Variants in EPHB3 observed in about 807,000 individuals in gnomAD.
EPHB3 encodes EPH receptor B3.
Under a neutral mutation model 100.2 loss-of-function variants are expected in EPHB3, and 33 were observed. The observed-to-expected ratio is 0.33, with a 90% CI of 0.25 to 0.44. The LOEUF is 0.44. Among genes scored for constraint, EPHB3 ranks in the 20% least tolerant of loss-of-function variants. The probability of loss-of-function intolerance (pLI) is 1.00; values close to 1 mark genes in which losing one functional copy is unlikely to be tolerated. For synonymous variants in EPHB3, 526 were observed against 554.7 expected, an observed-to-expected ratio of 0.95 and a Z score of 0.73; for missense variants, 1,045 against 1,378.3, an observed-to-expected ratio of 0.76 and a Z score of 3.83.
rs1714590741 is a variant in EPHB3, at chr3:184,573,359, G to C, written c.856+183G>C. On this transcript the variant is annotated intron_variant, in intron 3 of 15. Transcript: ENST00000330394. The surrounding 1 kb of genome is among the most constrained non-coding windows in gnomAD (Gnocchi z 4.5). Reference sequence around the variant, plus strand: ...GAATGTTGTGTAAGGAGGGAGAAGAGAGAGAAAATGAGGAGAGACACAAGG... The same window carrying C: ...GAATGTTGTGTAAGGAGGGAGAAGACAGAGAAAATGAGGAGAGACACAAGG... Among the ~76,000 whole-genome samples the C allele has an allele frequency of 6.6e-6, 1 of 152,136 alleles. No individual in the cohort carries two copies. The highest frequency in any genetic ancestry group is 2.1e-4 in the South Asian group (1 of 4,824).
chr3:184,570,347 C>A (rs749020456), intron 1 of EPHB3, among the ~76,000 whole-genome samples: 1 of 152,334 alleles, frequency 6.6e-6, no homozygotes, highest in Non-Finnish European at 1.5e-5. Flanking sequence ...TGAACCTGAT[C>A]CACCCTTGTC....
At position 184,577,625 on chromosome 3, in the gene EPHB3, C is replaced by T; in HGVS notation, c.1480-33C>T. The stretch of plus-strand genomic sequence containing the variant: ...AGGGGCTGGTTGGCCTCAGGACCCA[C>T]CTGAGGGTGCCCCCTCTCTCCTGGC... On this transcript the variant is annotated intron_variant, in intron 6 of 15. Transcript: ENST00000330394. The surrounding 1 kb of genome is among the most constrained non-coding windows in gnomAD (Gnocchi z 4.9). 1.9e-6 allele frequency: 3 copies of T among 1,573,744 alleles called. No individual in the cohort carries two copies. The highest frequency in any genetic ancestry group is 2.3e-5 in the East Asian group (1 of 44,378).
At position 184,569,421 on chromosome 3, in the gene EPHB3, G is replaced by C. The variant is rs1027350697; in HGVS notation, c.119-1897G>C. Among the ~76,000 whole-genome samples, 1 of 151,546 alleles carries C rather than the reference G, an allele frequency of 6.6e-6. No individual in the cohort carries two copies. The highest frequency in any genetic ancestry group is 1.5e-5 in the Non-Finnish European group (1 of 67,828). On this transcript the variant is annotated intron_variant, in intron 1 of 15. Transcript: ENST00000330394. This position sits in a 1 kb window ranked among gnomAD's most constrained non-coding sequence, Gnocchi z 5.4. ...GCCAGCCGGCTCCGCACATCCCTCC[G>C]GCTCCGTGCCGCCCACCGCCCGCCA...
chr3:184,564,188 C>T (rs1368991291), intron 1 of EPHB3, among the ~76,000 whole-genome samples: 1 of 152,200 alleles, frequency 6.6e-6, no homozygotes, highest in Non-Finnish European at 1.5e-5. Context: ...TTCCCCATTC[C>T]CGGCCTGCCC....
In EPHB3 at chr3:184,565,207, T is replaced by G. The variant is rs1421600500; in HGVS notation, c.118+2854T>G. On this transcript the variant is annotated intron_variant, in intron 1 of 15. Coordinates refer to ENST00000330394, the MANE Select transcript of EPHB3 (RefSeq NM_004443.4). This position sits in a 1 kb window ranked among gnomAD's most constrained non-coding sequence, Gnocchi z 4.8. ...CCTCCCCTTGCCCTCTGATTGATTG[T>G]CCCCTTCCCCCATGCAAATTGCCCT... 6.6e-6 allele frequency among the ~76,000 whole-genome samples: 1 copy of G among 152,064 alleles called. No homozygotes were observed. The highest frequency in any genetic ancestry group is 6.5e-5 in the Admixed American group (1 of 15,272).
In EPHB3 at chr3:184,563,290, G is replaced by T. The variant is rs1053773458; in HGVS notation, c.118+937G>T. Among the ~76,000 whole-genome samples, 3 of 152,106 alleles carry T rather than the reference G, an allele frequency of 2.0e-5. No homozygotes were observed. The highest frequency in any genetic ancestry group is 4.4e-5 in the Non-Finnish European group (3 of 68,024). On this transcript the variant is annotated intron_variant, in intron 1 of 15. Coordinates refer to ENST00000330394, the MANE Select transcript of EPHB3 (RefSeq NM_004443.4). The surrounding 1 kb of genome is among the most constrained non-coding windows in gnomAD (Gnocchi z 4.1). Reference sequence around the variant, plus strand: ...CTCACGCCCCGTTTCCAAGAATTTCGGAGCCATTAAATGAGAGAGGGTCAG... The same window carrying T: ...CTCACGCCCCGTTTCCAAGAATTTCTGAGCCATTAAATGAGAGAGGGTCAG...
Position 184,580,576 on chromosome 3 carries a change from C to A in EPHB3, c.2347C>A (p.Leu783Met). The stretch of plus-strand genomic sequence containing the variant: ...CTCAGACTTTGGCCTCTCCCGCTTC[C>A]TGGAGGATGACCCCTCCGATCCTAC... ...KVSDFGLSRF[L>M]EDDPSDPTYT... Residue 783 changes from leucine (L) to methionine (M), a missense_variant, in exon 12 of 16, where the codon CTG (leucine) becomes ATG (methionine). By Grantham distance (15) the Leu-to-Met change is conservative (BLOSUM62 2). Around this residue, in one of 2 missense-constraint regions of EPHB3, gnomAD observed 985 missense variants for 1,331.1 expected, o/e 0.74. Transcript: ENST00000330394. The A allele has an allele frequency of 6.2e-7, 1 of 1,614,192 alleles. No homozygotes were observed. Among genetic ancestry groups the A allele is most frequent in the East Asian group, 2.2e-5 (1 of 44,878 alleles).
chr3:184,572,683 C>A lies in EPHB3; in HGVS notation c.363C>A (p.Asn121Lys). 6.2e-7 allele frequency: 1 copy of A among 1,603,808 alleles called. No individual in the cohort carries two copies. The highest frequency in any genetic ancestry group is 8.5e-7 in the Non-Finnish European group (1 of 1,175,606). The change falls in exon 3 of 16, where the codon AAC (asparagine) becomes AAA (lysine). Residue 121 changes from asparagine to lysine, a missense_variant. Physicochemically the swap from Asn to Lys is moderately conservative, Grantham distance 94. Transcript: ENST00000330394. This position sits in a 1 kb window ranked among gnomAD's most constrained non-coding sequence, Gnocchi z 6.6. The stretch of plus-strand genomic sequence containing the variant: ...TGCGTGACTGCAACAGCATCCCCAA[C>A]ATCCCCGGCTCCTGCAAGGAGACCT... ...FTVRDCNSIPNIPGSCKETFN... is the reference protein window; with the variant it reads ...FTVRDCNSIPKIPGSCKETFN...
Position 184,571,388 on chromosome 3 carries a change from G to T in EPHB3, c.183+6G>T. 6.2e-7 allele frequency: 1 copy of T among 1,613,834 alleles called. No homozygotes were observed. The highest frequency in any genetic ancestry group is 8.5e-7 in the Non-Finnish European group (1 of 1,179,846). On this transcript the variant is annotated splice_donor_region_variant and intron_variant, in intron 2 of 15. Coordinates refer to ENST00000330394, the MANE Select transcript of EPHB3 (RefSeq NM_004443.4). The surrounding 1 kb of genome is among the most constrained non-coding windows in gnomAD (Gnocchi z 5.0). ...CATCTCATCCAGAAAGTGGGGTGAG[G>T]CTTTCCCATCATTCTCCTGAGTGTT...
rs1714845434 is a variant in EPHB3, at chr3:184,582,273, TGTGTG to T, written c.*652_*656del. ...GTGTGAGTGTGTGTGTGTGTGTGTG[TGTGTG>T]CGCGCGCGCGCGCGTGTGTGTGTGC... On this transcript the variant is annotated 3_prime_UTR_variant, in exon 16 of 16. Transcript: ENST00000330394. The T allele has an allele frequency of 1.8e-5, 1 of 56,322 alleles. No homozygotes were observed. Among genetic ancestry groups the T allele is most frequent in the South Asian group, 5.3e-4 (1 of 1,876 alleles). The allele number at this position is 56,322 out of a possible 1,614,324, so 3.5% of individuals were successfully genotyped here.
chr3:184,566,069 C>T (rs1199916611), intron 1 of EPHB3, among the ~76,000 whole-genome samples: 1 of 152,166 alleles, frequency 6.6e-6, no homozygotes, highest in African/African-American at 2.4e-5. Flanking sequence ...CAGCTGGGCA[C>T]CTGATGGGGT....
intron 4 of EPHB3, 67 bp downstream of exon 4, chr3:184,576,052 CT>C: frequency 6.6e-7 from 1 of 1,517,958 alleles, no homozygotes; most frequent in South Asian, 1.3e-5. Context: ...CCTGGGAAGC[CT>C]AAGCAGTCAC....
At position 184,569,046 on chromosome 3, in the gene EPHB3, T is replaced by C. The variant is rs1714470122; in HGVS notation, c.119-2272T>C. The stretch of plus-strand genomic sequence containing the variant: ...GGGCTTGTTTTAAACTGTGGAGGAA[T>C]CTGGCTGGAGGGGGAGGGGGCTGAA... On this transcript the variant is annotated intron_variant, in intron 1 of 15. Coordinates refer to ENST00000330394, the MANE Select transcript of EPHB3 (RefSeq NM_004443.4). The surrounding 1 kb of genome is among the most constrained non-coding windows in gnomAD (Gnocchi z 5.4). 6.6e-6 allele frequency among the ~76,000 whole-genome samples: 1 copy of C among 152,048 alleles called. No homozygotes were observed. Among genetic ancestry groups the C allele is most frequent in the Non-Finnish European group, 1.5e-5 (1 of 67,988 alleles).
rs767547020 is a variant in EPHB3, at chr3:184,575,968, C to G, written c.995C>G (p.Ala332Gly). ...TTCTACCGTGCAGACTCGGACTCTG[C>G]GGACAGTGCCTGTACCAGTGAGTGA... ...NNFYRADSDS[A>G]DSACTTVPSP... Residue 332 changes from alanine (A) to glycine (G), a missense_variant, in exon 4 of 16, where the codon GCG becomes GGG. Around this residue, in one of 2 missense-constraint regions of EPHB3, gnomAD observed 985 missense variants for 1,331.1 expected, o/e 0.74. Coordinates refer to ENST00000330394, the MANE Select transcript of EPHB3 (RefSeq NM_004443.4). 3 of 1,612,416 alleles carry G rather than the reference C, an allele frequency of 1.9e-6. No individual in the cohort carries two copies. Among genetic ancestry groups the G allele is most frequent in the Non-Finnish European group, 2.5e-6 (3 of 1,179,132 alleles).
chr3:184,577,018 G>A lies in EPHB3; in HGVS notation c.1189G>A (p.Glu397Lys). The change falls in exon 5 of 16, where the codon GAG (glutamate) becomes AAG (lysine). Residue 397 changes from glutamate to lysine, a missense_variant. Glu to Lys is a moderately conservative substitution (Grantham distance 56, BLOSUM62 1). This residue lies in a region of EPHB3 where 985 missense variants were observed against 1,331.1 expected (regional missense o/e 0.74). Transcript: ENST00000330394. This position sits in a 1 kb window ranked among gnomAD's most constrained non-coding sequence, Gnocchi z 4.9. ...CTGCTCACGCTGTGATGACAACGTG[G>A]AGTTTGTGCCTCGGCAGCTGGGCCT... ...SACSRCDDNV[E>K]FVPRQLGLTE... The A allele has an allele frequency of 6.2e-7, 1 of 1,614,064 alleles. No individual in the cohort carries two copies. Among genetic ancestry groups the A allele is most frequent in the Non-Finnish European group, 8.5e-7 (1 of 1,180,034 alleles).
chr3:184,571,431 C>A lies in EPHB3; in HGVS notation c.183+49C>A. 6.2e-7 allele frequency: 1 copy of A among 1,603,390 alleles called. No individual in the cohort carries two copies. The highest frequency in any genetic ancestry group is 8.5e-7 in the Non-Finnish European group (1 of 1,171,112). On this transcript the variant is annotated intron_variant, in intron 2 of 15. Transcript: ENST00000330394. The surrounding 1 kb of genome is among the most constrained non-coding windows in gnomAD (Gnocchi z 5.0). ...TGAGTGTTGTTTGCCATTAGGCCTC[C>A]CCCCACTTCCAGCCTCCGTGCCCCC... is the stretch of plus-strand genomic sequence containing the variant.
At position 184,578,450 on chromosome 3, in the gene EPHB3, G is replaced by A; in HGVS notation, c.1785G>A (p.Glu595=). 1 of 1,613,950 alleles carries A rather than the reference G, an allele frequency of 6.2e-7. No individual in the cohort carries two copies. The highest frequency in any genetic ancestry group is 8.5e-7 in the Non-Finnish European group (1 of 1,179,964). The stretch of plus-strand genomic sequence containing the variant: ...ACGGCTCTGATTCGGAGTACACGGA[G>A]AAGCTGCAGCAGTACAGTGAGTTTG... ...QRHGSDSEYT[E]KLQQYIAPGM... Residue 595 remains glutamate, a synonymous_variant, in exon 9 of 16, where the codon GAG becomes GAA. Coordinates refer to ENST00000330394, the MANE Select transcript of EPHB3 (RefSeq NM_004443.4). The surrounding 1 kb of genome is among the most constrained non-coding windows in gnomAD (Gnocchi z 4.7).
Position 184,572,856 on chromosome 3 carries a change from G to C in EPHB3, c.536G>C (p.Arg179Pro). ...GCCGGCCGTGTCAACACCAAGGTGCGCAGCTTTGGGCCACTTTCCAAGGCT... is the reference window on the plus strand; with the variant it reads ...GCCGGCCGTGTCAACACCAAGGTGCCCAGCTTTGGGCCACTTTCCAAGGCT... ...LDAGRVNTKV[R>P]SFGPLSKAGF... The change falls in exon 3 of 16, where the codon CGC becomes CCC. Residue 179 changes from arginine to proline, a missense_variant. Around this residue, in one of 2 missense-constraint regions of EPHB3, gnomAD observed 985 missense variants for 1,331.1 expected, o/e 0.74. Transcript: ENST00000330394. This position sits in a 1 kb window ranked among gnomAD's most constrained non-coding sequence, Gnocchi z 6.6. 1.3e-6 allele frequency: 2 copies of C among 1,561,582 alleles called. No individual in the cohort carries two copies. The highest frequency in any genetic ancestry group is 1.7e-6 in the Non-Finnish European group (2 of 1,154,062).
In EPHB3 at chr3:184,581,250, C is replaced by A; in HGVS notation, c.2733-3C>A. 2 of 1,595,358 alleles carry A rather than the reference C, an allele frequency of 1.3e-6. No individual in the cohort carries two copies. The highest frequency in any genetic ancestry group is 1.7e-6 in the Non-Finnish European group (2 of 1,169,228). ...TCACCAGGTCCTTCTCTTCTTCCCA[C>A]AGCATGTCACAGCCCCTCCTGGACC... On this transcript the variant is annotated splice_polypyrimidine_tract_variant and splice_region_variant and intron_variant, in intron 14 of 15. Transcript: ENST00000330394.
Sources: gnomAD v4.1 joint callset for allele counts (sites outside exome capture counted in the v4.1 genomes callset) on GRCh38, gnomAD v4.1.1 for gene constraint, gnomAD v4.1.1 regional missense constraint, Gnocchi (gnomAD v3.1) non-coding constraint, MANE v1.5 for transcripts, NCBI Gene and HGNC (gene_info 2026-07-23, HGNC 2026-07-21) for gene names.